Variants in ATXN10 observed in about 807,000 individuals in gnomAD.
ATXN10 encodes ataxin 10.
In ATXN10, 28 loss-of-function variants were observed where a neutral mutation model predicts 52.9. That is an observed-to-expected ratio of 0.53 (90% CI 0.39 to 0.73). The LOEUF (loss-of-function observed/expected upper bound fraction) is 0.73, where lower values mean the gene tolerates loss of function less well. ATXN10 is among the 30% of genes least tolerant of loss of function. ATXN10 has a pLI of 0.00. For synonymous variants in ATXN10, 226 were observed against 221.5 expected (o/e 1.02, Z -0.18); for missense variants, 565 against 577.0 (o/e 0.98, Z 0.21).
chr22:45,825,979 T>C lies in ATXN10; in HGVS notation c.1238-17012T>C, dbSNP rs971963376. ...TGGGAGGCTGAGGTGGGAGGATGTC[T>C]TGAGCCCAGGAGGTGGAGGTTGCAA... On this transcript the variant is annotated intron_variant, in intron 10 of 11. Transcript: ENST00000252934. The surrounding 1 kb of genome is among the most constrained non-coding windows in gnomAD (Gnocchi z 4.5). Among the ~76,000 whole-genome samples, 1 of 152,098 alleles carries C rather than the reference T, an allele frequency of 6.6e-6. No individual in the cohort carries two copies. The highest frequency in any genetic ancestry group is 1.5e-5 in the Non-Finnish European group (1 of 68,020).
intron 9 of ATXN10, among the ~76,000 whole-genome samples, chr22:45,777,399 T>C (rs1206562742): frequency 1.3e-5 from 2 of 152,264 alleles, no homozygotes; most frequent in Non-Finnish European, 2.9e-5. Context: ...TTACCAGGTA[T>C]GTGTTTTTTA....
intron 9 of ATXN10, 169 bp downstream of exon 9, chr22:45,740,707 CA>C: frequency 2.4e-6 from 1 of 418,356 alleles, no homozygotes; most frequent in Non-Finnish European, 4.3e-6. Flanking sequence ...CACACACACA[CA>C]CACACACACA....
chr22:45,756,594 G>A (rs1424260792), intron 9 of ATXN10, among the ~76,000 whole-genome samples: 2 of 152,176 alleles, frequency 1.3e-5, no homozygotes, highest in Non-Finnish European at 2.9e-5. Flanking sequence ...ACTATTGCTT[G>A]AAAAGAAAAG....
At position 45,816,298 on chromosome 22, in the gene ATXN10, C is replaced by T. The variant is rs938683201; in HGVS notation, c.1237+9276C>T. 6.6e-6 allele frequency among the ~76,000 whole-genome samples: 1 copy of T among 152,126 alleles called. No homozygotes were observed. The highest frequency in any genetic ancestry group is 2.4e-5 in the African/African-American group (1 of 41,434). ...TAAAAATTCACTGCCCTATTTTGAT[C>T]TTAGATCATAATCAGGAGAAAGTGC... On this transcript the variant is annotated intron_variant, in intron 10 of 11. Transcript: ENST00000252934. The surrounding 1 kb of genome is among the most constrained non-coding windows in gnomAD (Gnocchi z 5.8).
intron 5 of ATXN10, chr22:45,703,851 C>T (rs942241157): frequency 2.6e-5 from 4 of 152,228 alleles, no homozygotes; most frequent in African/African-American, 7.2e-5. Context: ...CTCATTAGAA[C>T]CTGTCCCATG....
At chr22:45,721,306 A>G (rs1325648644) in intron 6 of ATXN10, among the ~76,000 whole-genome samples, 4 of 152,182 alleles carry the variant, frequency 2.6e-5, no homozygotes, top group Non-Finnish European at 5.9e-5. Flanking sequence ...TTTCAGGTTT[A>G]TGATCTCTGT....
chr22:45,694,900 C>T (rs182699281), intron 3 of ATXN10, among the ~76,000 whole-genome samples: 236 of 136,294 alleles, frequency 1.7e-3, no homozygotes, highest in Admixed American at 4.1e-3. Context: ...GAGATCACGC[C>T]GCTGCACTCC....
intron 5 of ATXN10, among the ~76,000 whole-genome samples, chr22:45,714,482 G>A (rs765469202): frequency 1.4e-4 from 21 of 152,118 alleles, no homozygotes; most frequent in Non-Finnish European, 2.5e-4. Flanking sequence ...CCAGGCTCAA[G>A]TAATCTTCCC....
At chr22:45,796,672 G>C (rs1927751066) in intron 9 of ATXN10, among the ~76,000 whole-genome samples, 1 of 152,102 alleles carries the variant, frequency 6.6e-6, no homozygotes, top group African/African-American at 2.4e-5. Flanking sequence ...TTGGGGGCTG[G>C]TTCCCCCGAT....
At chr22:45,742,971 G>A (rs867523974) in intron 9 of ATXN10, among the ~76,000 whole-genome samples, 3 of 152,294 alleles carry the variant, frequency 2.0e-5, no homozygotes, top group Middle Eastern at 6.8e-3. Context: ...CTATTCTTTT[G>A]TTGCTAATTT....
intron 9 of ATXN10, among the ~76,000 whole-genome samples, chr22:45,797,202 G>C (rs940504237): frequency 6.6e-6 from 1 of 152,158 alleles, no homozygotes; most frequent in African/African-American, 2.4e-5. Context: ...TGGAAAACTG[G>C]AATACCATCA....
At chr22:45,737,202 C>T (rs999627641) in intron 7 of ATXN10, among the ~76,000 whole-genome samples, 5 of 152,168 alleles carry the variant, frequency 3.3e-5, no homozygotes, top group Non-Finnish European at 7.4e-5. Flanking sequence ...CACTGCTGGC[C>T]GGTGGGAGCC....
At position 45,775,206 on chromosome 22, in the gene ATXN10, GAT is replaced by G. The variant is rs1390784907; in HGVS notation, c.1174-31752_1174-31751del. ...AGGGGATGGCAGTGGGCAGGGGACA[GAT>G]GTGTGCACATGGAGGACTGGGAGGG... On this transcript the variant is annotated intron_variant, in intron 9 of 11. Coordinates refer to ENST00000252934, the MANE Select transcript of ATXN10 (RefSeq NM_013236.4). This position sits in a 1 kb window ranked among gnomAD's most constrained non-coding sequence, Gnocchi z 4.7. Among the ~76,000 whole-genome samples the G allele has an allele frequency of 6.6e-6, 1 of 152,170 alleles. No homozygotes were observed. Among genetic ancestry groups the G allele is most frequent in the Non-Finnish European group, 1.5e-5 (1 of 68,028 alleles).
Position 45,823,663 on chromosome 22 carries a change from C to G in ATXN10, c.1237+16641C>G, listed in dbSNP as rs1216818515. On this transcript the variant is annotated intron_variant, in intron 10 of 11. Coordinates refer to ENST00000252934, the MANE Select transcript of ATXN10 (RefSeq NM_013236.4). This position sits in a 1 kb window ranked among gnomAD's most constrained non-coding sequence, Gnocchi z 4.9. ...CAATTTTGAATGTTAACCAACTTTT[C>G]ATATATTATCCTTCTTATATGTTGC... 6.6e-6 allele frequency among the ~76,000 whole-genome samples: 1 copy of G among 152,176 alleles called. No individual in the cohort carries two copies. The highest frequency in any genetic ancestry group is 1.5e-5 in the Non-Finnish European group (1 of 68,036).
intron 9 of ATXN10, among the ~76,000 whole-genome samples, chr22:45,794,026 A>G (rs1016287167): frequency 1.3e-5 from 2 of 152,238 alleles, no homozygotes; most frequent in Non-Finnish European, 2.9e-5. Flanking sequence ...GGGGCAGTTT[A>G]TGCAGAAATT....
intron 1 of ATXN10, among the ~76,000 whole-genome samples, chr22:45,687,288 T>C (rs894590737): frequency 6.6e-6 from 1 of 152,238 alleles, no homozygotes; most frequent in African/African-American, 2.4e-5. Context: ...ATATTGCTTT[T>C]CTTCTGTCTT....
intron 7 of ATXN10, among the ~76,000 whole-genome samples, chr22:45,735,082 T>C (rs1464954068): frequency 6.6e-6 from 1 of 151,980 alleles, no homozygotes; most frequent in Non-Finnish European, 1.5e-5. Flanking sequence ...TTTCGCCTTG[T>C]TGGCCAGGCT....
chr22:45,727,783 A>G lies in ATXN10; in HGVS notation c.729-1642A>G, dbSNP rs192796657. Among the ~76,000 whole-genome samples, 3 of 152,142 alleles carry G rather than the reference A, an allele frequency of 2.0e-5. No individual in the cohort carries two copies. The highest frequency in any genetic ancestry group is 6.5e-5 in the Admixed American group (1 of 15,276). On this transcript the variant is annotated intron_variant, in intron 6 of 11. Transcript: ENST00000252934. The surrounding 1 kb of genome is among the most constrained non-coding windows in gnomAD (Gnocchi z 4.6). ...GGGAGCTTCAGAGTTAGGTGCATATATATTTAGGATTATAATATCTTCCTG... is the reference window on the plus strand; with the variant it reads ...GGGAGCTTCAGAGTTAGGTGCATATGTATTTAGGATTATAATATCTTCCTG...
At position 45,727,017 on chromosome 22, in the gene ATXN10, T is replaced by TG. The variant is rs146156401; in HGVS notation, c.729-2407dup. On this transcript the variant is annotated intron_variant, in intron 6 of 11. Coordinates refer to ENST00000252934, the MANE Select transcript of ATXN10 (RefSeq NM_013236.4). The surrounding 1 kb of genome is among the most constrained non-coding windows in gnomAD (Gnocchi z 4.6). Reference sequence around the variant, plus strand: ...GTTTCTCTAGTTCTTTGAGGTATGATGTTAGATTGTCAACTTGTGGTCTTT... The same window carrying TG: ...GTTTCTCTAGTTCTTTGAGGTATGATGGTTAGATTGTCAACTTGTGGTCTTT... 0.027 allele frequency among the ~76,000 whole-genome samples: 4,167 copies of TG among 152,274 alleles called. 169 individuals carry two copies. Among genetic ancestry groups the TG allele is most frequent in the African/African-American group, 0.093 (3,874 of 41,550 alleles).
Sources: allele counts gnomAD v4.1 joint callset (sites outside exome capture counted in the v4.1 genomes callset), GRCh38; gene constraint gnomAD v4.1.1; non-coding constraint Gnocchi (gnomAD v3.1); transcripts MANE v1.5; gene names NCBI Gene and HGNC (gene_info 2026-07-23, HGNC 2026-07-21).